ABCC4: variants seen among roughly 807,000 people sequenced by gnomAD.
The protein encoded by ABCC4 is ATP-binding cassette sub-family C member 4.
Under a neutral mutation model 168.5 loss-of-function variants are expected in ABCC4, and 102 were observed. The ratio of observed to expected loss-of-function variants is 0.61; its 90% CI spans 0.52 to 0.71. The LOEUF (loss-of-function observed/expected upper bound fraction) is 0.71, where lower values mean the gene tolerates loss of function less well. Ranked by LOEUF, ABCC4 falls within the 30% of genes least tolerant of loss-of-function variation. ABCC4 has a pLI of 0.00. For synonymous variants in ABCC4, 617 were observed against 590.7 expected (o/e 1.04, Z -0.65); for missense variants, 1,402 against 1,605.8 (o/e 0.87, Z 2.17).
At chr13:95,082,943 A>G (rs1184201280) in intron 21 of ABCC4, among the ~76,000 whole-genome samples, 197 bp downstream of exon 21, 5 of 152,162 alleles carry the variant, frequency 3.3e-5, no homozygotes, top group Non-Finnish European at 5.9e-5. Flanking sequence ...TTCCAAATGC[A>G]AAGTTGCACG....
intron 19 of ABCC4, among the ~76,000 whole-genome samples, chr13:95,159,133 A>ATATG (rs59552400): frequency 8.0e-6 from 1 of 125,338 alleles, no homozygotes; most frequent in South Asian, 2.5e-4. Context: ...ATATATATAT[A>ATATG]ACTATTGAAG....
intron 1 of ABCC4, among the ~76,000 whole-genome samples, chr13:95,285,012 G>A (rs958068082): frequency 2.6e-5 from 4 of 152,134 alleles, no homozygotes; most frequent in African/African-American, 4.8e-5. Context: ...ATGAGAGGCC[G>A]AGGAAGGAGA....
intron 26 of ABCC4, among the ~76,000 whole-genome samples, chr13:95,060,806 A>G (rs1342865114): frequency 1.3e-5 from 2 of 152,226 alleles, no homozygotes; most frequent in Admixed American, 1.3e-4. Flanking sequence ...TCTTAAGGAC[A>G]TTCACACTGT....
chr13:95,147,327 T>C (rs2036532485), intron 19 of ABCC4, among the ~76,000 whole-genome samples: 2 of 152,248 alleles, frequency 1.3e-5, no homozygotes, highest in Admixed American at 6.5e-5. Context: ...GTTTGGCTTA[T>C]AATTCCTTTA....
chr13:95,115,948 G>A lies in ABCC4; in HGVS notation c.2509C>T (p.Pro837Ser). The A allele has an allele frequency of 6.2e-7, 1 of 1,613,060 alleles. No individual in the cohort carries two copies. The highest frequency in any genetic ancestry group is 1.7e-5 in the Admixed American group (1 of 59,688). Residue 837 changes from proline (P) to serine (S), a missense_variant, in exon 20 of 31, where the codon CCG (proline) becomes TCG (serine). This residue lies in a region of ABCC4 where 1,007 missense variants were observed against 1,127.3 expected (regional missense o/e 0.89). Transcript: ENST00000645237. ...KDIGHLDDLLPLTFLDFIQTL... is the reference protein window; with the variant it reads ...KDIGHLDDLLSLTFLDFIQTL... ...TGGATGAAATCTAAAAACGTCAGCG[G>A]CAGCAAATCATCCAAGTGTCCAATG...
At chr13:95,108,641 C>A (rs926980181) in intron 20 of ABCC4, among the ~76,000 whole-genome samples, 1 of 145,218 alleles carries the variant, frequency 6.9e-6, no homozygotes, top group Non-Finnish European at 1.5e-5. Flanking sequence ...AATCTATTTT[C>A]TTTTTTTTTT....
chr13:95,024,732 G>A (rs2031305455), intron 30 of ABCC4, among the ~76,000 whole-genome samples: 2 of 152,148 alleles, frequency 1.3e-5, no homozygotes, highest in African/African-American at 4.8e-5. Context: ...TAATTGGCAT[G>A]CATATTGTCA....
At chr13:95,094,051 C>T (rs111270847) in intron 20 of ABCC4, among the ~76,000 whole-genome samples, 3,037 of 152,244 alleles carry the variant, frequency 0.02, 49 homozygotes, top group Non-Finnish European at 0.033. Flanking sequence ...AATGGAAATA[C>T]ATCTCATGCT....
chr13:95,197,283 T>C (rs1225693437), intron 8 of ABCC4, among the ~76,000 whole-genome samples: 3 of 152,192 alleles, frequency 2.0e-5, no homozygotes, highest in African/African-American at 7.2e-5. Flanking sequence ...CAAAAGGTTA[T>C]ATATACATCT....
intron 8 of ABCC4, among the ~76,000 whole-genome samples, chr13:95,195,242 C>G (rs764565490): frequency 5.9e-5 from 9 of 152,080 alleles, no homozygotes; most frequent in Non-Finnish European, 1.3e-4. Flanking sequence ...GCATTGACAG[C>G]CTGCATAGTT....
chr13:95,156,556 C>T (rs558701469), intron 19 of ABCC4, among the ~76,000 whole-genome samples: 1 of 152,156 alleles, frequency 6.6e-6, no homozygotes, highest in Non-Finnish European at 1.5e-5. Context: ...AGAACGGAAA[C>T]AGGGCTAAGA....
chr13:95,279,406 A>G (rs1259509532), intron 1 of ABCC4, among the ~76,000 whole-genome samples: 1 of 152,230 alleles, frequency 6.6e-6, no homozygotes, highest in African/African-American at 2.4e-5. Context: ...GGAGACAAAG[A>G]AAGTGGCTGC....
chr13:95,249,695 G>A (rs534993711), intron 1 of ABCC4, among the ~76,000 whole-genome samples: 5 of 152,186 alleles, frequency 3.3e-5, no homozygotes, highest in East Asian at 3.9e-4. Flanking sequence ...CTGCATGCCC[G>A]AGACCTCCCT....
chr13:95,130,123 G>C (rs896640772), intron 19 of ABCC4, among the ~76,000 whole-genome samples: 12 of 150,856 alleles, frequency 8.0e-5, no homozygotes, highest in Admixed American at 4.0e-4. Context: ...AAAACTTATC[G>C]TATTGCAAAT....
chr13:95,068,688 G>A (rs1474577189), intron 25 of ABCC4, among the ~76,000 whole-genome samples: 1 of 152,088 alleles, frequency 6.6e-6, no homozygotes, highest in African/African-American at 2.4e-5. Flanking sequence ...CAGATCTCAG[G>A]TAATCCTATG....
intron 3 of ABCC4, among the ~76,000 whole-genome samples, chr13:95,237,709 G>C (rs1451097196): frequency 6.6e-6 from 1 of 152,050 alleles, no homozygotes. Context: ...GGCCCAGCGG[G>C]CACGCGGCCT....
At chr13:95,148,583 C>T (rs1018145911) in intron 19 of ABCC4, among the ~76,000 whole-genome samples, 1 of 139,494 alleles carries the variant, frequency 7.2e-6, no homozygotes, top group African/African-American at 2.7e-5. Flanking sequence ...CTCTCCCCTA[C>T]CCATCACAAC....
chr13:95,132,143 C>T (rs2035988905), intron 19 of ABCC4, among the ~76,000 whole-genome samples: 1 of 152,152 alleles, frequency 6.6e-6, no homozygotes, highest in Non-Finnish European at 1.5e-5. Context: ...GACCTCCCAC[C>T]AATACCAATA....
intron 19 of ABCC4, among the ~76,000 whole-genome samples, chr13:95,116,978 T>A (rs1478485690): frequency 6.6e-6 from 1 of 152,190 alleles, no homozygotes; most frequent in African/African-American, 2.4e-5. Flanking sequence ...AGGCTGCAAG[T>A]GGACCATGAA....
Sources: gnomAD v4.1 joint callset for allele counts (sites outside exome capture counted in the v4.1 genomes callset) on GRCh38, gnomAD v4.1.1 for gene constraint, gnomAD v4.1.1 regional missense constraint, MANE v1.5 for transcripts, NCBI Gene and HGNC (gene_info 2026-07-23, HGNC 2026-07-21) for gene names.